The following CDKL3 variants were observed in gnomAD, a reference collection of about 807,000 sequenced individuals.
CDKL3 encodes cyclin dependent kinase like 3.
In CDKL3, 65 loss-of-function variants were observed where a neutral mutation model predicts 69.3. The ratio of observed to expected loss-of-function variants is 0.94; its 90% CI spans 0.77 to 1.15. The LOEUF is 1.15. Among genes scored for constraint, CDKL3 ranks in the 50% most tolerant of loss-of-function variants. CDKL3 has a pLI of 0.00. For synonymous variants in CDKL3, 202 were observed against 221.6 expected, an observed-to-expected ratio of 0.91 and a Z score of 0.79; for missense variants, 652 against 689.2, an observed-to-expected ratio of 0.95 and a Z score of 0.61.
chr5:134,371,543 G>A (rs1355865901), upstream of CDKL3: 44 of 1,595,490 alleles, frequency 2.8e-5, no homozygotes, highest in Non-Finnish European at 3.8e-5. Flanking sequence ...GGGGGTGGGG[G>A]GGCTGCGCGG....
intron 4 of CDKL3, among the ~76,000 whole-genome samples, chr5:134,344,505 A>T (rs930373902): frequency 1.3e-5 from 2 of 152,218 alleles, no homozygotes; most frequent in African/African-American, 4.8e-5. Context: ...TTCTCCAAGG[A>T]CAATATACAA....
downstream of CDKL3, among the ~76,000 whole-genome samples, chr5:134,296,258 T>C (rs1384051531): frequency 6.6e-6 from 1 of 151,450 alleles, no homozygotes; most frequent in Non-Finnish European, 1.5e-5. Context: ...GGCTAAATAG[T>C]AGAAAAAAGG....
chr5:134,316,172 G>C (rs1354808236), intron 6 of CDKL3, among the ~76,000 whole-genome samples: 1 of 152,028 alleles, frequency 6.6e-6, no homozygotes, highest in East Asian at 1.9e-4. Context: ...AGTGGGTCTT[G>C]AATTCCTGGG....
rs1335119916 is a variant in CDKL3, at chr5:134,312,319, T to A, written c.854A>T (p.Tyr285Phe). 1.3e-6 allele frequency: 2 copies of A among 1,595,826 alleles called. No individual in the cohort carries two copies. The highest frequency in any genetic ancestry group is 1.7e-5 in the Admixed American group (1 of 57,472). Reference sequence around the variant, plus strand: ...TTCAATAAATCCATCTCTAGTAAAATACTCATGATGCAAAAGATCACTAGA... The same window carrying A: ...TTCAATAAATCCATCTCTAGTAAAAAACTCATGATGCAAAAGATCACTAGA... ...ISSSDLLHHE[Y>F]FTRDGFIEKF... The change falls in exon 7 of 13, where the codon TAT becomes TTT. Residue 285 changes from tyrosine (Y) to phenylalanine (F), a missense_variant. Transcript: ENST00000265334.
chr5:134,352,197 T>A (rs958606030), intron 3 of CDKL3, among the ~76,000 whole-genome samples: 1 of 152,186 alleles, frequency 6.6e-6, no homozygotes, highest in Non-Finnish European at 1.5e-5. Context: ...TTTATCCACA[T>A]CATCACAAAT....
chr5:134,367,678 T>C (rs530939029), upstream of CDKL3, among the ~76,000 whole-genome samples: 4 of 152,198 alleles, frequency 2.6e-5, no homozygotes, highest in Admixed American at 6.5e-5. Flanking sequence ...CCGGTCAAGA[T>C]GGTTCTTAAA....
chr5:134,371,534 G>T (rs557096417), upstream of CDKL3: 51 of 1,584,662 alleles, frequency 3.2e-5, no homozygotes, highest in East Asian at 3.7e-4. Context: ...GCCGCGCCGG[G>T]GGGTGGGGGG....
intron 4 of CDKL3, among the ~76,000 whole-genome samples, chr5:134,349,342 T>C (rs1351168637): frequency 6.6e-6 from 1 of 152,212 alleles, no homozygotes; most frequent in Non-Finnish European, 1.5e-5. Context: ...TGATTATTTA[T>C]ATTTTAGGCT....
At chr5:134,333,237 AAT>A (rs1776235911) in intron 4 of CDKL3, among the ~76,000 whole-genome samples, 2 of 152,182 alleles carry the variant, frequency 1.3e-5, no homozygotes, top group Non-Finnish European at 2.9e-5. Context: ...GGGTTTTCTA[AAT>A]ATACAATCAT....
chr5:134,345,066 A>G (rs1278455698), intron 4 of CDKL3, among the ~76,000 whole-genome samples: 1 of 152,026 alleles, frequency 6.6e-6, no homozygotes, highest in African/African-American at 2.4e-5. Context: ...CTCTGTCTCA[A>G]AAAAAATAAA....
At position 134,359,881 on chromosome 5, in the gene CDKL3, A is replaced by G; in HGVS notation, c.360+16T>C. 1 of 1,541,178 alleles carries G rather than the reference A, an allele frequency of 6.5e-7. No individual in the cohort carries two copies. The highest frequency in any genetic ancestry group is 1.4e-5 in the African/African-American group (1 of 73,232). On this transcript the variant is annotated intron_variant, in intron 3 of 12. Coordinates refer to ENST00000265334, the MANE Select transcript of CDKL3 (RefSeq NM_001113575.2). ...TCATATTCATCCTACAAATTGGCTT[A>G]TTCTGAAGCACTTACATTATTACTG... is the stretch of plus-strand genomic sequence containing the variant.
At chr5:134,359,549 A>G (rs1755492003) in intron 3 of CDKL3, among the ~76,000 whole-genome samples, 1 of 151,988 alleles carries the variant, frequency 6.6e-6, no homozygotes, top group Admixed American at 6.6e-5. Flanking sequence ...ACCTCCCTTT[A>G]TATGAGCAAC....
At chr5:134,355,146 T>C (rs560922260) in intron 3 of CDKL3, among the ~76,000 whole-genome samples, 5 of 148,594 alleles carry the variant, frequency 3.4e-5, no homozygotes, top group South Asian at 4.2e-4. Flanking sequence ...GGCAGGAAAA[T>C]TGCTTGAACC....
chr5:134,298,026 C>T (rs147024004), downstream of CDKL3, among the ~76,000 whole-genome samples: 1 of 151,504 alleles, frequency 6.6e-6, no homozygotes, highest in East Asian at 1.9e-4. Context: ...CTTGGCCTCC[C>T]GGATTCAAGC....
chr5:134,364,727 G>C (rs1424479000), intron 2 of CDKL3, among the ~76,000 whole-genome samples: 1 of 151,826 alleles, frequency 6.6e-6, no homozygotes, highest in Non-Finnish European at 1.5e-5. Context: ...TGGCCAGGCT[G>C]GTCTCGAACT....
chr5:134,350,507 T>C, intron 3 of CDKL3, 80 bp from the exon 4 acceptor site: 3 of 951,116 alleles, frequency 3.2e-6, no homozygotes, highest in Non-Finnish European at 4.7e-6. Context: ...ACTGAGAAAA[T>C]CTAGCTAATT....
chr5:134,359,777 A>G (rs1245673546), intron 3 of CDKL3, 120 bp downstream of exon 3: 6 of 722,658 alleles, frequency 8.3e-6, no homozygotes, highest in Non-Finnish European at 1.3e-5. Flanking sequence ...CATTTTCAGG[A>G]TGTCTATTAT....
At position 134,308,257 on chromosome 5, in the gene CDKL3, A is replaced by G. The variant is rs778170088; in HGVS notation, c.1245T>C (p.Cys415=). 10 of 1,613,850 alleles carry G rather than the reference A, an allele frequency of 6.2e-6. No individual in the cohort carries two copies. In the South Asian group the frequency reaches 6.6e-5, roughly 11 times the overall value. ...AATGTGGATTTTCTTTCAAGCCATT[A>G]CAGTTAGTGCTGGGATTGATAGGGT... ...PPNPINPSTN[C]NGLKENPHCG... is the part of the protein sequence containing the mutation. The change falls in exon 9 of 13, where the codon TGT becomes TGC. Residue 415 remains cysteine, a synonymous_variant. Transcript: ENST00000265334.
intron 3 of CDKL3, among the ~76,000 whole-genome samples, chr5:134,354,134 A>G (rs1357914557): frequency 2.0e-5 from 3 of 152,252 alleles, no homozygotes; most frequent in East Asian, 1.9e-4. Context: ...GTTCACATCA[A>G]TCTGCACTTC....
Sources: gnomAD v4.1 joint callset for allele counts (sites outside exome capture counted in the v4.1 genomes callset) on GRCh38, gnomAD v4.1.1 for gene constraint, MANE v1.5 for transcripts, NCBI Gene and HGNC (gene_info 2026-07-23, HGNC 2026-07-21) for gene names.